ADGRB1: variants seen among roughly 807,000 people sequenced by gnomAD.
ADGRB1 encodes the protein adhesion G protein-coupled receptor B1.
ADGRB1 carries 36 observed loss-of-function variants against 175.7 expected under a neutral mutation model. The observed-to-expected ratio is 0.20, with a 90% CI of 0.16 to 0.27. The LOEUF (loss-of-function observed/expected upper bound fraction) is 0.27, where lower values mean the gene tolerates loss of function less well. Among genes scored for constraint, ADGRB1 ranks in the 10% least tolerant of loss-of-function variants. The probability of loss-of-function intolerance (pLI) is 1.00; values close to 1 mark genes in which losing one functional copy is unlikely to be tolerated. For synonymous variants in ADGRB1, 1,054 were observed against 979.4 expected, an observed-to-expected ratio of 1.08 and a Z score of -1.42; for missense variants, 1,731 against 2,255.3, an observed-to-expected ratio of 0.77 and a Z score of 4.71.
At chr8:142,525,456 C>T (rs1221440268) in intron 23 of ADGRB1, among the ~76,000 whole-genome samples, 2 of 152,070 alleles carry the variant, frequency 1.3e-5, no homozygotes, top group African/African-American at 4.8e-5. Flanking sequence ...GTCCTTGGGG[C>T]CACGTGGGGC....
intron 1 of ADGRB1, among the ~76,000 whole-genome samples, chr8:142,460,805 T>C (rs1839931988): frequency 6.6e-6 from 1 of 152,100 alleles, no homozygotes; most frequent in Non-Finnish European, 1.5e-5. Flanking sequence ...GGCCTCCCCC[T>C]TCCACCTCCT....
chr8:142,529,918 CTGTG>C lies in ADGRB1; in HGVS notation c.3398+3297_3398+3300del, dbSNP rs1175730207. ...TCTGTGTGGATGTGTGAGCATGCAT[CTGTG>C]TGTGTACCTGTGAGCGTGCATCTGT... On this transcript the variant is annotated intron_variant, in intron 24 of 30. Transcript: ENST00000517894. 3.5e-5 allele frequency among the ~76,000 whole-genome samples: 5 copies of C among 143,170 alleles called. No individual in the cohort carries two copies. The East Asian group carries it at 6.3e-4, about 18-fold the overall frequency. The allele number at this position is 143,170 out of a possible 152,430, so 93.9% of individuals were successfully genotyped here.
chr8:142,471,453 G>A (rs1400068641), intron 2 of ADGRB1, among the ~76,000 whole-genome samples: 1 of 152,246 alleles, frequency 6.6e-6, no homozygotes. Context: ...TCTCCGGGAT[G>A]GGCCCTGGGC....
intron 23 of ADGRB1, among the ~76,000 whole-genome samples, 182 bp from the exon 24 acceptor site, chr8:142,526,360 C>T (rs1844188362): frequency 6.6e-6 from 1 of 152,180 alleles, no homozygotes; most frequent in Non-Finnish European, 1.5e-5. Flanking sequence ...CAGTTGGCAG[C>T]TGGGCTGGAG....
chr8:142,472,061 C>T (rs1400025026), intron 2 of ADGRB1, among the ~76,000 whole-genome samples: 3 of 152,180 alleles, frequency 2.0e-5, no homozygotes, highest in Non-Finnish European at 4.4e-5. Context: ...CGGTGCTGCC[C>T]GACCTGCTGG....
At chr8:142,454,456 A>G (rs1487526203) in intron 1 of ADGRB1, among the ~76,000 whole-genome samples, 1 of 152,006 alleles carries the variant, frequency 6.6e-6, no homozygotes, top group African/African-American at 2.4e-5. Flanking sequence ...TGCACACGGC[A>G]CCCCCGCCCC....
In ADGRB1 at chr8:142,479,682, C is replaced by G. The variant is rs1282561165; in HGVS notation, c.1727-11C>G. 6.8e-6 allele frequency: 11 copies of G among 1,610,182 alleles called. No homozygotes were observed. Among genetic ancestry groups the G allele is most frequent in the African/African-American group, 1.3e-5 (1 of 74,434 alleles). ...CCCCTTCCTGAACCCCTGTCCCGGG[C>G]CCCTTGGCAGAGCCCCATGAGATCT... On this transcript the variant is annotated splice_polypyrimidine_tract_variant and intron_variant, in intron 8 of 30. Coordinates refer to ENST00000517894, the MANE Select transcript of ADGRB1 (RefSeq NM_001702.3).
chr8:142,456,573 C>G (rs138169232), intron 1 of ADGRB1, among the ~76,000 whole-genome samples: 4 of 152,294 alleles, frequency 2.6e-5, no homozygotes, highest in Admixed American at 6.5e-5. Flanking sequence ...ACTCACCACA[C>G]GCACACACGC....
Position 142,543,448 on chromosome 8 carries a change from G to T in ADGRB1, c.4449+10G>T, listed in dbSNP as rs369758034. On this transcript the variant is annotated intron_variant, in intron 29 of 30. Transcript: ENST00000517894. This position sits in a 1 kb window ranked among gnomAD's most constrained non-coding sequence, Gnocchi z 4.4. ...AGAACTGGACTTTGAGGTGAGTTCT[G>T]GTGTCCCCCCCCACCAGACACTTAG... The T allele has an allele frequency of 6.2e-7, 1 of 1,613,642 alleles. No individual in the cohort carries two copies. Among genetic ancestry groups the T allele is most frequent in the Non-Finnish European group, 8.5e-7 (1 of 1,179,754 alleles).
At chr8:142,477,795 T>G (rs528213034) in intron 6 of ADGRB1, among the ~76,000 whole-genome samples, 1 of 151,788 alleles carries the variant, frequency 6.6e-6, no homozygotes, top group Non-Finnish European at 1.5e-5. Flanking sequence ...TATCCCAGGC[T>G]GGATGTTCAT....
chr8:142,502,242 GTGGTGGTGC>G (rs1470651451), intron 17 of ADGRB1, among the ~76,000 whole-genome samples: 6 of 148,260 alleles, frequency 4.0e-5, no homozygotes, highest in African/African-American at 1.0e-4. Context: ...GATGGTGATG[GTGGTGGTGC>G]TGGTGGTGAT....
intron 25 of ADGRB1, among the ~76,000 whole-genome samples, chr8:142,534,275 G>GA (rs1236291848): frequency 1.3e-5 from 2 of 152,224 alleles, no homozygotes; most frequent in African/African-American, 4.8e-5. Flanking sequence ...AGGAAGGTCA[G>GA]GCGTGGGAGG....
chr8:142,496,615 A>C (rs1281071569), intron 17 of ADGRB1, among the ~76,000 whole-genome samples: 1 of 152,332 alleles, frequency 6.6e-6, no homozygotes, highest in Admixed American at 6.5e-5. Flanking sequence ...TGCTTTAAAA[A>C]ATGTAAATAA....
chr8:142,513,922 C>T (rs113988216), intron 18 of ADGRB1, among the ~76,000 whole-genome samples: 1,611 of 152,018 alleles, frequency 0.011, 33 homozygotes, highest in African/African-American at 0.036. Context: ...ACTCCAGGGG[C>T]GTGAGGAGCC....
rs1264769702 is a variant in ADGRB1, at chr8:142,492,324, CAGCCTTT to C, written c.2675+1515_2675+1521del. Reference sequence around the variant, plus strand: ...TGATGGGCACTATTCTGGCAGGTCCCAGCCTTTAGCCTCCTCTCCCCAGTGAGGAGGG... The same window carrying C: ...TGATGGGCACTATTCTGGCAGGTCCCAGCCTCCTCTCCCCAGTGAGGAGGG... On this transcript the variant is annotated intron_variant, in intron 17 of 30. Transcript: ENST00000517894. The surrounding 1 kb of genome is among the most constrained non-coding windows in gnomAD (Gnocchi z 4.4). Among the ~76,000 whole-genome samples the C allele has an allele frequency of 6.6e-6, 1 of 152,190 alleles. No homozygotes were observed. Among genetic ancestry groups the C allele is most frequent in the Non-Finnish European group, 1.5e-5 (1 of 68,038 alleles).
chr8:142,528,477 G>A (rs1039465259), intron 24 of ADGRB1, among the ~76,000 whole-genome samples: 1 of 152,142 alleles, frequency 6.6e-6, no homozygotes, highest in Admixed American at 6.5e-5. Context: ...CTTTGGCCCC[G>A]CCCCTCCTGC....
intron 7 of ADGRB1, among the ~76,000 whole-genome samples, chr8:142,478,922 C>CATGG (rs1318322079): frequency 7.6e-6 from 1 of 132,106 alleles, no homozygotes; most frequent in Non-Finnish European, 1.6e-5. Context: ...GTGGGGTGGC[C>CATGG]ATGGATTAGT....
intron 24 of ADGRB1, among the ~76,000 whole-genome samples, 180 bp from the exon 25 acceptor site, chr8:142,533,115 A>G (rs891300319): frequency 1.3e-5 from 2 of 152,048 alleles, no homozygotes; most frequent in Non-Finnish European, 2.9e-5. Context: ...CAGCCTGGGC[A>G]GTGGTGGACC....
intron 24 of ADGRB1, among the ~76,000 whole-genome samples, chr8:142,528,551 GT>G (rs1844368883): frequency 6.6e-6 from 1 of 151,986 alleles, no homozygotes; most frequent in East Asian, 1.9e-4. Context: ...GCAGTCAGCC[GT>G]CCCCGCACCC....
Sources: allele counts gnomAD v4.1 joint callset (sites outside exome capture counted in the v4.1 genomes callset), GRCh38; gene constraint gnomAD v4.1.1; non-coding constraint Gnocchi (gnomAD v3.1); transcripts MANE v1.5; gene names NCBI Gene and HGNC (gene_info 2026-07-23, HGNC 2026-07-21).